RABGAP1: variants seen among roughly 807,000 people sequenced by gnomAD.
RABGAP1 encodes the protein RAB GTPase activating protein 1, also known as rab GTPase-activating protein 1.
In RABGAP1, 23 loss-of-function variants were observed where a neutral mutation model predicts 137.6. That is an observed-to-expected ratio of 0.17 (90% CI 0.12 to 0.24). The LOEUF (loss-of-function observed/expected upper bound fraction) is 0.24, where lower values mean the gene tolerates loss of function less well. Among genes scored for constraint, RABGAP1 ranks in the 10% least tolerant of loss-of-function variants. The pLI is 1.00. For missense variants in RABGAP1, 906 were observed against 1,275.8 expected (o/e 0.71, Z 4.42); for synonymous variants, 451 against 450.7 (o/e 1.00, Z -0.01).
At chr9:123,102,610 AG>A (rs942956981) in intron 25 of RABGAP1, among the ~76,000 whole-genome samples, 6 of 152,146 alleles carry the variant, frequency 3.9e-5, no homozygotes, top group African/African-American at 1.4e-4. Context: ...TTCCAGGCAG[AG>A]GGAGTGGCAT....
rs1053006239 is a variant in RABGAP1, at chr9:123,029,358, T to A, written c.1794+8899T>A. On this transcript the variant is annotated intron_variant, in intron 13 of 25. Coordinates refer to ENST00000373647, the MANE Select transcript of RABGAP1 (RefSeq NM_012197.4). ...TAATAAAGTTTTATTTTTCCAAATG[T>A]AGAGTTGCTTGGACCTGTTCATGCA... The A allele has an allele frequency of 6.9e-6, 6 of 866,658 alleles. No individual in the cohort carries two copies. The African/African-American group carries it at 1.0e-4, about 15-fold the overall frequency. 53.7% of individuals were successfully genotyped at this position (866,658 alleles called of 1,614,324 possible).
chr9:122,954,880 C>A (rs1006553144), intron 1 of RABGAP1, among the ~76,000 whole-genome samples: 1 of 152,250 alleles, frequency 6.6e-6, no homozygotes, highest in Middle Eastern at 3.4e-3. Flanking sequence ...CACCATCTCT[C>A]TAAGACTTAA....
At chr9:123,001,412 C>T (rs1837319618) in intron 10 of RABGAP1, among the ~76,000 whole-genome samples, 1 of 152,106 alleles carries the variant, frequency 6.6e-6, no homozygotes, top group African/African-American at 2.4e-5. Flanking sequence ...ATATACTTTT[C>T]CATATTACAT....
intron 13 of RABGAP1, among the ~76,000 whole-genome samples, chr9:123,032,819 C>T (rs188267523): frequency 8.5e-4 from 129 of 152,256 alleles, no homozygotes; most frequent in African/African-American, 2.9e-3. Flanking sequence ...ATACAGTTTG[C>T]ATTGTTTTAA....
chr9:122,975,695 T>A (rs896091649), intron 2 of RABGAP1, among the ~76,000 whole-genome samples: 1 of 152,192 alleles, frequency 6.6e-6, no homozygotes, highest in Non-Finnish European at 1.5e-5. Flanking sequence ...CCAACACTTA[T>A]TGGATGCTAT....
At chr9:123,026,012 T>G (rs1017745719) in intron 13 of RABGAP1, among the ~76,000 whole-genome samples, 1 of 151,422 alleles carries the variant, frequency 6.6e-6, no homozygotes, top group Non-Finnish European at 1.5e-5. Context: ...ATTCTTTTTT[T>G]TTTTTTTTTT....
chr9:123,100,383 ATGTGTGTGTGTGTGTGTGTGTGTGTGTG>A (rs56811028), intron 24 of RABGAP1, among the ~76,000 whole-genome samples: 37 of 136,572 alleles, frequency 2.7e-4, no homozygotes, highest in South Asian at 1.5e-3. Flanking sequence ...GTTTAACCAG[ATGTGTGTGTGTGTGTGTGTGTGTGTGTG>A]TGTGTGTGTG....
intron 1 of RABGAP1, among the ~76,000 whole-genome samples, chr9:122,953,246 A>G (rs755426296): frequency 1.3e-5 from 2 of 152,148 alleles, no homozygotes; most frequent in African/African-American, 4.8e-5. Context: ...AGCTGTAACT[A>G]TTGGGCGCTT....
At position 122,957,030 on chromosome 9, in the gene RABGAP1, C is replaced by T. The variant is rs1179584612; in HGVS notation, c.-30C>T. 1.1e-5 allele frequency: 16 copies of T among 1,418,660 alleles called. No homozygotes were observed. Among genetic ancestry groups the T allele is most frequent in the Non-Finnish European group, 1.5e-5 (16 of 1,068,826 alleles). The allele number at this position is 1,418,660 out of a possible 1,614,324, so 87.9% of individuals were successfully genotyped here. On this transcript the variant is annotated 5_prime_UTR_variant, in exon 2 of 26. Coordinates refer to ENST00000373647, the MANE Select transcript of RABGAP1 (RefSeq NM_012197.4). ...TTTCAGGCATTAAAAAATATTTAAT[C>T]ATTCATGTGTTGAGACTCATTCTTG...
At chr9:123,024,594 C>T (rs1422953667) in intron 13 of RABGAP1, among the ~76,000 whole-genome samples, 2 of 152,064 alleles carry the variant, frequency 1.3e-5, no homozygotes, top group Non-Finnish European at 2.9e-5. Flanking sequence ...CGCATGCCAC[C>T]GTGCCTGGCT....
intron 1 of RABGAP1, among the ~76,000 whole-genome samples, chr9:122,944,585 G>A (rs915756648): frequency 2.7e-5 from 4 of 150,586 alleles, no homozygotes; most frequent in East Asian, 3.9e-4. Context: ...GGAGTGTGGC[G>A]GCACGATATC....
chr9:122,957,914 CATTTT>C (rs1051472827), intron 2 of RABGAP1, among the ~76,000 whole-genome samples: 1 of 150,522 alleles, frequency 6.6e-6, no homozygotes, highest in Non-Finnish European at 1.5e-5. Context: ...ATGAATCATC[CATTTT>C]ATTTTATTTT....
At position 122,996,037 on chromosome 9, in the gene RABGAP1, A is replaced by G; in HGVS notation, c.924-4A>G. 6.3e-7 allele frequency: 1 copy of G among 1,588,112 alleles called. No homozygotes were observed. Among genetic ancestry groups the G allele is most frequent in the Non-Finnish European group, 8.5e-7 (1 of 1,172,052 alleles). ...CAAAATTAATGAAACATGTTGGTCT[A>G]CAGTGCAGTTCCCAAAGATAAGGAC... On this transcript the variant is annotated splice_region_variant and splice_polypyrimidine_tract_variant and intron_variant, in intron 6 of 25. Transcript: ENST00000373647.
chr9:123,066,148 G>C (rs147968417), intron 14 of RABGAP1, among the ~76,000 whole-genome samples: 1 of 152,128 alleles, frequency 6.6e-6, no homozygotes, highest in Non-Finnish European at 1.5e-5. Flanking sequence ...GAGACATGTC[G>C]CTAATGCTAT....
chr9:122,969,688 A>C lies in RABGAP1; in HGVS notation c.150+12479A>C, dbSNP rs950150265. Among the ~76,000 whole-genome samples, 8 of 152,080 alleles carry C rather than the reference A, an allele frequency of 5.3e-5. 1 individual carries two copies. Among genetic ancestry groups the C allele is most frequent in the Non-Finnish European group, 1.5e-5 (1 of 68,022 alleles). On this transcript the variant is annotated intron_variant, in intron 2 of 25. Transcript: ENST00000373647. ...TGTAGAGCATCTTATCTATCTTCCTAACACATTTTTTTTGCCATTTCAATG... is the reference window on the plus strand; with the variant it reads ...TGTAGAGCATCTTATCTATCTTCCTCACACATTTTTTTTGCCATTTCAATG...
chr9:122,947,480 T>A (rs10985834), intron 1 of RABGAP1, among the ~76,000 whole-genome samples: 2,587 of 152,336 alleles, frequency 0.017, 39 homozygotes, highest in Non-Finnish European at 0.025. Flanking sequence ...GTAATGTTTG[T>A]GTTATTACTT....
intron 10 of RABGAP1, among the ~76,000 whole-genome samples, chr9:123,005,457 A>G (rs922030362): frequency 2.0e-5 from 3 of 152,196 alleles, no homozygotes; most frequent in Non-Finnish European, 2.9e-5. Flanking sequence ...ATTTTTGTGA[A>G]GATAAAATTC....
intron 13 of RABGAP1, among the ~76,000 whole-genome samples, chr9:123,041,051 A>G (rs559916340): frequency 1.3e-5 from 2 of 152,174 alleles, no homozygotes; most frequent in South Asian, 4.1e-4. Context: ...CAGCCATGCC[A>G]TGGGGTGGGC....
intron 2 of RABGAP1, among the ~76,000 whole-genome samples, chr9:122,983,877 G>T (rs1836222711): frequency 6.6e-6 from 1 of 152,272 alleles, no homozygotes; most frequent in South Asian, 2.1e-4. Flanking sequence ...AGAATTACTT[G>T]ATATTATTGA....
Sources: gnomAD v4.1 joint callset for allele counts (sites outside exome capture counted in the v4.1 genomes callset) on GRCh38, gnomAD v4.1.1 for gene constraint, MANE v1.5 for transcripts, NCBI Gene and HGNC (gene_info 2026-07-23, HGNC 2026-07-21) for gene names.